HECTD4: variants seen among roughly 807,000 people sequenced by gnomAD.
The protein encoded by HECTD4 is HECT domain E3 ubiquitin protein ligase 4.
A neutral mutation model predicts 471.5 loss-of-function variants in HECTD4; 114 were observed. That is an observed-to-expected ratio of 0.24 (90% confidence interval 0.21 to 0.28). HECTD4 has a LOEUF of 0.28. HECTD4 is among the 10% of genes least tolerant of loss of function. The pLI is 1.00. For missense variants in HECTD4, 3,866 were observed against 5,651.5 expected (o/e 0.68, Z 10.13); for synonymous variants, 2,012 against 2,256.0 (o/e 0.89, Z 3.07).
At chr12:112,303,408 C>T (rs561589897) in intron 7 of HECTD4, among the ~76,000 whole-genome samples, 22 of 152,294 alleles carry the variant, frequency 1.4e-4, no homozygotes, top group African/African-American at 5.1e-4. Flanking sequence ...AAGGATACTA[C>T]ACTCTCCATC....
At chr12:112,333,972 C>T (rs574503207) in intron 1 of HECTD4, among the ~76,000 whole-genome samples, 5 of 151,852 alleles carry the variant, frequency 3.3e-5, no homozygotes, top group Admixed American at 2.0e-4. Flanking sequence ...AGTTTGGGAC[C>T]CCAAGGTGGG....
At chr12:112,231,871 A>T (rs1487633009) in intron 38 of HECTD4, among the ~76,000 whole-genome samples, 156 bp from the exon 39 acceptor site, 1 of 152,130 alleles carries the variant, frequency 6.6e-6, no homozygotes, top group African/African-American at 2.4e-5. Flanking sequence ...TTCCATAGAC[A>T]TCCCAGGCCT....
intron 66 of HECTD4, among the ~76,000 whole-genome samples, chr12:112,175,435 C>T (rs114245076): frequency 0.015 from 2,329 of 152,282 alleles, 67 homozygotes; most frequent in African/African-American, 0.053. Context: ...CTGGGCCTTC[C>T]AGCCTCCAGA....
At position 112,382,201 on chromosome 12, in the gene HECTD4, C is replaced by T. The variant is rs1411044339; in HGVS notation, c.-73G>A. ...GAAACGGAGCAGGAGCCGCCGCGAT[C>T]ACCAGTCCATGGCAGCGGCCGCCGC... On this transcript the variant is annotated 5_prime_UTR_variant, in exon 1 of 76. An upstream open reading frame in the 5' UTR loses its in-frame stop. Coordinates refer to ENST00000682272, the MANE Select transcript of HECTD4 (RefSeq NM_001388303.1). 2 of 1,165,728 alleles carry T rather than the reference C, an allele frequency of 1.7e-6. No homozygotes were observed. The highest frequency in any genetic ancestry group is 2.1e-6 in the Non-Finnish European group (2 of 933,740). 72.2% of individuals were successfully genotyped at this position (1,165,728 alleles called of 1,614,324 possible). A position where few individuals can be genotyped will look rare whatever the true frequency, so the allele number is the denominator to read the frequency against.
At chr12:112,330,200 C>T (rs2135714317) in intron 1 of HECTD4, among the ~76,000 whole-genome samples, 1 of 151,730 alleles carries the variant, frequency 6.6e-6, no homozygotes, top group South Asian at 2.1e-4. Flanking sequence ...TCCCTTGAAC[C>T]TGGGAGGCGG....
At chr12:112,330,629 C>CA (rs1369376233) in intron 1 of HECTD4, among the ~76,000 whole-genome samples, 1 of 152,172 alleles carries the variant, frequency 6.6e-6, no homozygotes, top group East Asian at 1.9e-4. Flanking sequence ...CTGTGAGCCC[C>CA]AAAAGGGGGA....
intron 9 of HECTD4, 77 bp from the exon 10 acceptor site, chr12:112,275,037 A>T: frequency 1.1e-6 from 1 of 878,738 alleles, no homozygotes; most frequent in Non-Finnish European, 1.8e-6. Flanking sequence ...TTTTAACAAG[A>T]CTTTTATAAA....
chr12:112,356,397 G>A (rs530039526), intron 1 of HECTD4, among the ~76,000 whole-genome samples: 3 of 152,136 alleles, frequency 2.0e-5, no homozygotes, highest in East Asian at 1.9e-4. Context: ...GATCTTTTCC[G>A]TCTCACTCTC....
chr12:112,194,806 A>G lies in HECTD4; in HGVS notation c.8749+79T>C. 7.6e-7 allele frequency: 1 copy of G among 1,319,164 alleles called. No homozygotes were observed. The highest frequency in any genetic ancestry group is 1.1e-6 in the Non-Finnish European group (1 of 947,720). 81.7% of individuals were successfully genotyped at this position (1,319,164 alleles called of 1,614,324 possible). ...GCACCATGAGGCATTTCTCGCCCTCATGCAGGGAATGACTACACTGTGCAC... is the reference window on the plus strand; with the variant it reads ...GCACCATGAGGCATTTCTCGCCCTCGTGCAGGGAATGACTACACTGTGCAC... On this transcript the variant is annotated intron_variant, in intron 56 of 75. Transcript: ENST00000682272. This position sits in a 1 kb window ranked among gnomAD's most constrained non-coding sequence, Gnocchi z 4.6.
At chr12:112,256,178 C>A (rs1042341289) in intron 21 of HECTD4, 142 bp downstream of exon 21, 8 of 549,454 alleles carry the variant, frequency 1.5e-5, no homozygotes, top group African/African-American at 1.3e-4. Context: ...AAGATAAGAA[C>A]TTTATCTTAG....
At position 112,193,367 on chromosome 12, in the gene HECTD4, T is replaced by G; in HGVS notation, c.8955+102A>C. ...TCTAGGAAAAGGAAATCGAGAGGAA[T>G]AGGGACTTGGAAGGGAAAGGGGAGT... is the stretch of plus-strand genomic sequence containing the variant. On this transcript the variant is annotated intron_variant, in intron 57 of 75. Coordinates refer to ENST00000682272, the MANE Select transcript of HECTD4 (RefSeq NM_001388303.1). This position sits in a 1 kb window ranked among gnomAD's most constrained non-coding sequence, Gnocchi z 5.2. 1 of 1,350,688 alleles carries G rather than the reference T, an allele frequency of 7.4e-7. No homozygotes were observed. Among genetic ancestry groups the G allele is most frequent in the Non-Finnish European group, 1.0e-6 (1 of 969,246 alleles). The allele number at this position is 1,350,688 out of a possible 1,614,324, so 83.7% of individuals were successfully genotyped here. A position where few individuals can be genotyped will look rare whatever the true frequency, so the allele number is the denominator to read the frequency against.
chr12:112,189,431 G>T (rs2031997368), intron 60 of HECTD4, among the ~76,000 whole-genome samples: 1 of 147,308 alleles, frequency 6.8e-6, no homozygotes, highest in Non-Finnish European at 1.5e-5. Context: ...GGGCGCCTGT[G>T]GTCCTAGCTA....
chr12:112,222,573 A>G (rs1372168247), intron 44 of HECTD4, among the ~76,000 whole-genome samples: 2 of 152,200 alleles, frequency 1.3e-5, no homozygotes, highest in African/African-American at 4.8e-5. Flanking sequence ...AGGCTGAGGC[A>G]GGAGAATCAC....
At chr12:112,331,081 G>A (rs1309657322) in intron 1 of HECTD4, among the ~76,000 whole-genome samples, 1 of 151,470 alleles carries the variant, frequency 6.6e-6, no homozygotes, top group Non-Finnish European at 1.5e-5. Context: ...GGTTTGTTTT[G>A]TTTTTTTTGA....
At position 112,319,770 on chromosome 12, in the gene HECTD4, G is replaced by A. The variant is rs2035548727; in HGVS notation, c.178-28C>T. The A allele has an allele frequency of 8.1e-7, 1 of 1,240,150 alleles. No homozygotes were observed. Among genetic ancestry groups the A allele is most frequent in the Non-Finnish European group, 1.0e-6 (1 of 991,600 alleles). 76.8% of individuals were successfully genotyped at this position (1,240,150 alleles called of 1,614,324 possible). A position where few individuals can be genotyped will look rare whatever the true frequency, so the allele number is the denominator to read the frequency against. On this transcript the variant is annotated intron_variant, in intron 1 of 75. Transcript: ENST00000682272. The surrounding 1 kb of genome is among the most constrained non-coding windows in gnomAD (Gnocchi z 5.3). Reference sequence around the variant, plus strand: ...AAGGAAAAAGACGATGGAGAAGTGGGTAAATATTACTTTCACCAAAGTCAT... The same window carrying A: ...AAGGAAAAAGACGATGGAGAAGTGGATAAATATTACTTTCACCAAAGTCAT...
At chr12:112,301,971 A>T in intron 7 of HECTD4, 1 of 861,146 alleles carries the variant, frequency 1.2e-6, no homozygotes, top group Non-Finnish European at 2.0e-6. Flanking sequence ...CAGTGACAGC[A>T]GATCTCATCG....
Position 112,193,566 on chromosome 12 carries a change from G to C in HECTD4, c.8858C>G (p.Thr2953Arg). ...TDLFYQGNSQ[T>R]VREWLNVAIT... ...GGCCACGTTGAGCCACTCTCTCACTGTCTGGGAGTTGCCCTGGTAAAAGAG... is the reference window on the plus strand; with the variant it reads ...GGCCACGTTGAGCCACTCTCTCACTCTCTGGGAGTTGCCCTGGTAAAAGAG... Residue 2953 changes from threonine (T) to arginine (R), a missense_variant, in exon 57 of 76, where the codon ACA becomes AGA. By Grantham distance (71) the Thr-to-Arg change is moderately conservative. Transcript: ENST00000682272. The surrounding 1 kb of genome is among the most constrained non-coding windows in gnomAD (Gnocchi z 5.2). 1 of 1,613,206 alleles carries C rather than the reference G, an allele frequency of 6.2e-7. No homozygotes were observed.
chr12:112,350,725 T>G (rs1328373536), intron 1 of HECTD4, among the ~76,000 whole-genome samples: 1 of 152,174 alleles, frequency 6.6e-6, no homozygotes, highest in Non-Finnish European at 1.5e-5. Flanking sequence ...TTTTAAAAGC[T>G]TAAGGTTGCC....
At chr12:112,340,082 A>T (rs997234023) in intron 1 of HECTD4, among the ~76,000 whole-genome samples, 3 of 152,126 alleles carry the variant, frequency 2.0e-5, no homozygotes, top group African/African-American at 7.2e-5. Context: ...TTCAACTTAC[A>T]GTATTTTCAA....
Sources: gnomAD v4.1 joint callset for allele counts (sites outside exome capture counted in the v4.1 genomes callset) on GRCh38, gnomAD v4.1.1 for gene constraint, Gnocchi (gnomAD v3.1) non-coding constraint, MANE v1.5 for transcripts, NCBI Gene and HGNC (gene_info 2026-07-23, HGNC 2026-07-21) for gene names.